CEP95: variants seen among roughly 807,000 people sequenced by gnomAD.
CEP95 encodes the protein centrosomal protein of 95 kDa.
A neutral mutation model predicts 111.2 loss-of-function variants in CEP95; 98 were observed. The ratio of observed to expected loss-of-function variants is 0.88; its 90% CI spans 0.75 to 1.04. The LOEUF (loss-of-function observed/expected upper bound fraction) is 1.04, where lower values mean the gene tolerates loss of function less well. Ranked by LOEUF, CEP95 falls within the 50% of genes least tolerant of loss-of-function variation. The pLI is 0.00. For synonymous variants in CEP95, 323 were observed against 327.1 expected, an observed-to-expected ratio of 0.99 and a Z score of 0.14; for missense variants, 1,027 against 977.2, an observed-to-expected ratio of 1.05 and a Z score of -0.68.
intron 5 of CEP95, 23 bp from the exon 6 acceptor site, chr17:64,519,298 A>C (rs782786473): frequency 6.4e-7 from 1 of 1,569,236 alleles, no homozygotes; most frequent in East Asian, 2.2e-5. Flanking sequence ...CTGGGCCCTG[A>C]GTGAAGGAGG....
At chr17:64,521,656 A>T (rs1477976478) in intron 7 of CEP95, 129 bp downstream of exon 7, 1 of 749,740 alleles carries the variant, frequency 1.3e-6, no homozygotes, top group Non-Finnish European at 2.0e-6. Flanking sequence ...TCTTACTTGT[A>T]AATGTTTGCT....
intron 8 of CEP95, 76 bp downstream of exon 8, chr17:64,522,971 T>A: frequency 8.7e-7 from 1 of 1,152,730 alleles, no homozygotes. Flanking sequence ...GGTAATTGAT[T>A]AGAAGGCCGT....
At chr17:64,507,791 A>G (rs2038643803) in intron 1 of CEP95, 2 of 985,392 alleles carry the variant, frequency 2.0e-6, no homozygotes, top group East Asian at 1.1e-4. Flanking sequence ...CGTGTCCAGA[A>G]CATAGTGGAG....
At chr17:64,509,133 A>T (rs1293279858) in intron 2 of CEP95, among the ~76,000 whole-genome samples, 1 of 152,132 alleles carries the variant, frequency 6.6e-6, no homozygotes, top group Non-Finnish European at 1.5e-5. Flanking sequence ...CTGTTACTTA[A>T]CCAGTGCTAG....
At position 64,530,928 on chromosome 17, in the gene CEP95, G is replaced by A. The variant is rs373506929; in HGVS notation, c.1449G>A (p.Ala483=). 240 of 1,540,172 alleles carry A rather than the reference G, an allele frequency of 1.6e-4. 1 individual carries two copies. The South Asian group carries it at 2.5e-3, about 16-fold the overall frequency. Reference sequence around the variant, plus strand: ...ATATATGACCTTTTCCCCTTTAGGCGTTTACTGAAGCATTTGAAAGGGAAC... The same window carrying A: ...ATATATGACCTTTTCCCCTTTAGGCATTTACTGAAGCATTTGAAAGGGAAC... ...ETDVRQFQAQ[A]FTEAFERELR... Residue 483 remains alanine, a splice_region_variant and synonymous_variant, in exon 13 of 20, where the codon GCG becomes GCA. Transcript: ENST00000556440.
rs377023210 is a variant in CEP95, at chr17:64,529,293, T to C, written c.1312T>C (p.Ser438Pro). 3.9e-5 allele frequency: 63 copies of C among 1,611,974 alleles called. No homozygotes were observed. In the African/African-American group the frequency reaches 6.7e-4, roughly 17 times the overall value. The change falls in exon 12 of 20, where the codon TCC (serine) becomes CCC (proline). Residue 438 changes from serine to proline, a missense_variant. Transcript: ENST00000556440. The part of the protein sequence containing the change: ...YGPKKSRPGL[S>P]MRRKPPYRSH... ...ATGTCTTTTCTCTGTTGCAGGACTTTCCATGCGTAGAAAGCCACCCTACAG... is the reference window on the plus strand; with the variant it reads ...ATGTCTTTTCTCTGTTGCAGGACTTCCCATGCGTAGAAAGCCACCCTACAG...
At chr17:64,509,156 A>G (rs1371945071) in intron 2 of CEP95, among the ~76,000 whole-genome samples, 1 of 152,164 alleles carries the variant, frequency 6.6e-6, no homozygotes, top group African/African-American at 2.4e-5. Flanking sequence ...ATAAGAATTG[A>G]TGCTTGTAGA....
Position 64,507,110 on chromosome 17 carries a change from G to T in CEP95, c.13G>T (p.Asp5Tyr), listed in dbSNP as rs781935947. Residue 5 changes from aspartate (D) to tyrosine (Y), a missense_variant, in exon 1 of 20, where the codon GAT becomes TAT. Coordinates refer to ENST00000556440, the MANE Select transcript of CEP95 (RefSeq NM_138363.3). MAGS[D>Y]AEWVTIANNL... is the part of the protein sequence containing the mutation. Reference sequence around the variant, plus strand: ...CTGCCTCTGAAACATGGCAGGCTCGGATGCTGGTGAGTGTCTCCCTGGGGT... The same window carrying T: ...CTGCCTCTGAAACATGGCAGGCTCGTATGCTGGTGAGTGTCTCCCTGGGGT... 6.4e-7 allele frequency: 1 copy of T among 1,551,356 alleles called. No individual in the cohort carries two copies. The highest frequency in any genetic ancestry group is 2.0e-5 in the Admixed American group (1 of 50,994).
chr17:64,530,460 T>C (rs1279554797), intron 12 of CEP95, among the ~76,000 whole-genome samples: 1 of 151,808 alleles, frequency 6.6e-6, no homozygotes, highest in Non-Finnish European at 1.5e-5. Flanking sequence ...GAGCTTGATA[T>C]TTTAGGGGTG....
intron 16 of CEP95, among the ~76,000 whole-genome samples, chr17:64,533,567 A>G (rs1229961672): frequency 6.6e-6 from 1 of 152,176 alleles, no homozygotes; most frequent in East Asian, 1.9e-4. Context: ...TGATCTTGCC[A>G]CTGCACTCCA....
At chr17:64,521,666 T>C in intron 7 of CEP95, 139 bp downstream of exon 7, 1 of 713,036 alleles carries the variant, frequency 1.4e-6, no homozygotes, top group Non-Finnish European at 2.2e-6. Context: ...AAATGTTTGC[T>C]ATTAATTATG....
intron 12 of CEP95, 129 bp downstream of exon 12, chr17:64,529,556 TAGAG>T: frequency 2.2e-6 from 2 of 909,116 alleles, no homozygotes; most frequent in Non-Finnish European, 1.7e-6. Context: ...GAGTGGATGA[TAGAG>T]AGCTATGTGA....
intron 16 of CEP95, 115 bp downstream of exon 16, chr17:64,533,306 G>C: frequency 1.2e-6 from 1 of 848,234 alleles, no homozygotes; most frequent in Non-Finnish European, 1.8e-6. Flanking sequence ...ACCTGCATGT[G>C]GAAGTGTTGC....
upstream of CEP95, chr17:64,506,885 C>A (rs2038560057): frequency 3.1e-6 from 2 of 649,746 alleles, no homozygotes; most frequent in South Asian, 3.5e-5. Flanking sequence ...TCCCAAACCG[C>A]CCCCGTTTCA....
chr17:64,531,088 T>C, intron 13 of CEP95, 70 bp downstream of exon 13: 8 of 920,240 alleles, frequency 8.7e-6, no homozygotes, highest in Non-Finnish European at 1.3e-5. Flanking sequence ...GATGATCTTT[T>C]TAAAAGAAGA....
intron 11 of CEP95, among the ~76,000 whole-genome samples, chr17:64,528,639 T>C (rs1968040624): frequency 6.6e-6 from 1 of 152,234 alleles, no homozygotes; most frequent in African/African-American, 2.4e-5. Context: ...GGAAAATTTA[T>C]TTATAAAGGT....
At chr17:64,530,803 C>T in intron 12 of CEP95, 123 bp from the exon 13 acceptor site, 1 of 548,730 alleles carries the variant, frequency 1.8e-6, no homozygotes, top group East Asian at 3.2e-5. Flanking sequence ...TCGGTTGAGG[C>T]ACCATTGGAA....
chr17:64,536,441 C>T lies in CEP95; in HGVS notation c.2071-161C>T, dbSNP rs1287067575. ...TCCAGCCTGGGTGACAGAGCAATAA[C>T]CTGTCTCAGAAAAAGGAGGTACATT... is the stretch of plus-strand genomic sequence containing the variant. On this transcript the variant is annotated intron_variant, in intron 17 of 19. Coordinates refer to ENST00000556440, the MANE Select transcript of CEP95 (RefSeq NM_138363.3). The T allele has an allele frequency of 1.2e-5, 6 of 504,710 alleles. No homozygotes were observed. The Admixed American group carries it at 2.3e-4, about 19-fold the overall frequency. 31.3% of individuals were successfully genotyped at this position (504,710 alleles called of 1,614,324 possible).
intron 16 of CEP95, 150 bp downstream of exon 16, chr17:64,533,341 GC>G (rs1404089591): frequency 6.4e-6 from 4 of 621,676 alleles, no homozygotes; most frequent in Non-Finnish European, 1.1e-5. Flanking sequence ...AAAATTGATA[GC>G]CCATGCCTGT....
Sources: allele counts gnomAD v4.1 joint callset (sites outside exome capture counted in the v4.1 genomes callset), GRCh38; gene constraint gnomAD v4.1.1; transcripts MANE v1.5; gene names NCBI Gene and HGNC (gene_info 2026-07-23, HGNC 2026-07-21).